Variants in LRP1B observed in about 807,000 individuals in gnomAD.
The protein encoded by LRP1B is LDL receptor related protein 1B, also known as low-density lipoprotein receptor-related protein 1B.
In LRP1B, 217 loss-of-function variants were observed where a neutral mutation model predicts 556.6. That is an observed-to-expected ratio of 0.39 (90% CI 0.35 to 0.44). The LOEUF (loss-of-function observed/expected upper bound fraction) is 0.44, where lower values mean the gene tolerates loss of function less well. Ranked by LOEUF, LRP1B falls within the 20% of genes least tolerant of loss-of-function variation. The pLI is 1.00. For synonymous variants in LRP1B, 2,047 were observed against 1,865.8 expected (o/e 1.10, Z -2.50); for missense variants, 5,053 against 5,620.8 (o/e 0.90, Z 3.23).
At position 141,794,069 on chromosome 2, in the gene LRP1B, T is replaced by A. The variant is rs537242730; in HGVS notation, c.205+16210A>T. Among the ~76,000 whole-genome samples, 15 of 152,092 alleles carry A rather than the reference T, an allele frequency of 9.9e-5. No homozygotes were observed. The South Asian group carries it at 3.1e-3, about 32-fold the overall frequency. ...TATTAATACTATTGGAATTAGGTCA[T>A]CTAATCATCAGCCTTTTTTAAATTC... On this transcript the variant is annotated intron_variant, in intron 2 of 90. Transcript: ENST00000389484.
At chr2:141,551,878 TCA>T (rs1308159371) in intron 2 of LRP1B, among the ~76,000 whole-genome samples, 1 of 152,060 alleles carries the variant, frequency 6.6e-6, no homozygotes, top group Non-Finnish European at 1.5e-5. Context: ...GGAATATTCC[TCA>T]GTTTCTTTTT....
intron 31 of LRP1B, among the ~76,000 whole-genome samples, chr2:140,829,213 T>C (rs917240055): frequency 1.3e-5 from 2 of 152,138 alleles, no homozygotes; most frequent in African/African-American, 2.4e-5. Context: ...CTCTCAGTAA[T>C]TGACAGATCA....
chr2:141,322,669 G>A (rs921271312), intron 3 of LRP1B, among the ~76,000 whole-genome samples: 1 of 152,002 alleles, frequency 6.6e-6, no homozygotes, highest in African/African-American at 2.4e-5. Context: ...ATAGGAAAAA[G>A]AGTAAAAACT....
chr2:141,716,083 G>A (rs554974576), intron 2 of LRP1B, among the ~76,000 whole-genome samples: 1 of 152,128 alleles, frequency 6.6e-6, no homozygotes, highest in African/African-American at 2.4e-5. Context: ...ACCAATGCAG[G>A]TAAAGTGTAC....
chr2:141,375,892 C>A (rs569090187), intron 3 of LRP1B, among the ~76,000 whole-genome samples: 1 of 152,236 alleles, frequency 6.6e-6, no homozygotes, highest in East Asian at 1.9e-4. Flanking sequence ...TCAGTGACTG[C>A]AGCCCCTTCA....
intron 1 of LRP1B, among the ~76,000 whole-genome samples, chr2:141,928,164 C>T (rs1372555185): frequency 6.6e-6 from 1 of 152,134 alleles, no homozygotes; most frequent in African/African-American, 2.4e-5. Flanking sequence ...CAACTTGCCA[C>T]AGGGCAAGTC....
chr2:140,359,258 T>C (rs1328206289), intron 72 of LRP1B, among the ~76,000 whole-genome samples: 1 of 151,680 alleles, frequency 6.6e-6, no homozygotes, highest in Admixed American at 6.6e-5. Flanking sequence ...CCTACAATTA[T>C]GCAATATGGC....
chr2:141,055,713 G>C (rs1699161505), intron 9 of LRP1B, among the ~76,000 whole-genome samples: 2 of 151,780 alleles, frequency 1.3e-5, no homozygotes, highest in Admixed American at 1.3e-4. Context: ...ATGTGATTCA[G>C]TGATTATATA....
At chr2:140,495,954 CT>C (rs1169539783) in intron 55 of LRP1B, among the ~76,000 whole-genome samples, 2 of 152,090 alleles carry the variant, frequency 1.3e-5, no homozygotes, top group Non-Finnish European at 2.9e-5. Flanking sequence ...TTCATTTGAT[CT>C]TTTGAAGTTG....
intron 3 of LRP1B, among the ~76,000 whole-genome samples, chr2:141,278,530 G>A (rs1199624526): frequency 2.0e-5 from 3 of 152,060 alleles, no homozygotes; most frequent in African/African-American, 4.8e-5. Context: ...ACTAAGTAAA[G>A]CAGAGTGAAT....
Position 140,247,151 on chromosome 2 carries a change from T to G in LRP1B, c.13259A>C (p.Asn4420Thr), listed in dbSNP as rs2104899249. 1.2e-6 allele frequency: 2 copies of G among 1,608,344 alleles called. No individual in the cohort carries two copies. Among genetic ancestry groups the G allele is most frequent in the Non-Finnish European group, 8.5e-7 (1 of 1,175,870 alleles). Residue 4420 changes from asparagine (N) to threonine (T), a missense_variant, in exon 87 of 91, where the codon AAC becomes ACC. Asn to Thr is a moderately conservative substitution (Grantham distance 65). This residue lies in a region of LRP1B where 551 missense variants were observed against 592.0 expected (regional missense o/e 0.93). Coordinates refer to ENST00000389484, the MANE Select transcript of LRP1B (RefSeq NM_018557.3). ...TNVPVCLCST[N>T]WSGTQCERPA... ...CCTTTCACACTGTGTGCCTGACCAG[T>G]TGGTGGAGCATCTAAAAATATCCAA...
intron 2 of LRP1B, among the ~76,000 whole-genome samples, chr2:141,662,817 A>G (rs1322522671): frequency 6.6e-6 from 1 of 152,162 alleles, no homozygotes; most frequent in Non-Finnish European, 1.5e-5. Context: ...TCACCTCTCG[A>G]TCAAGTGGAC....
At chr2:140,854,323 TTAAG>T (rs1280124529) in intron 27 of LRP1B, among the ~76,000 whole-genome samples, 7 of 152,260 alleles carry the variant, frequency 4.6e-5, no homozygotes, top group East Asian at 1.9e-4. Context: ...GGCAGAGATA[TTAAG>T]TTTCTATGTA....
chr2:140,308,824 T>C (rs1305216475), intron 83 of LRP1B, among the ~76,000 whole-genome samples: 4 of 151,678 alleles, frequency 2.6e-5, no homozygotes, highest in Non-Finnish European at 1.5e-5. Flanking sequence ...AAATATGACA[T>C]AATACTTACT....
At chr2:141,201,699 G>T (rs960875776) in intron 6 of LRP1B, among the ~76,000 whole-genome samples, 2 of 151,850 alleles carry the variant, frequency 1.3e-5, no homozygotes. Flanking sequence ...TGTAGACTCC[G>T]AATCTAAATC....
chr2:140,306,907 G>A lies in LRP1B; in HGVS notation c.12805+8028C>T, dbSNP rs910335572. On this transcript the variant is annotated intron_variant, in intron 83 of 90. Coordinates refer to ENST00000389484, the MANE Select transcript of LRP1B (RefSeq NM_018557.3). ...ACATTTTTATTTCTGCTTTCATTTC[G>A]TTATGTACCCAGTAGTCATTCAGGA... 6.6e-5 allele frequency among the ~76,000 whole-genome samples: 10 copies of A among 151,606 alleles called. No individual in the cohort carries two copies. The East Asian group carries it at 1.7e-3, about 26-fold the overall frequency.
chr2:141,058,330 T>G (rs1699241237), intron 9 of LRP1B, among the ~76,000 whole-genome samples: 1 of 151,748 alleles, frequency 6.6e-6, no homozygotes, highest in South Asian at 2.1e-4. Context: ...TATATTCTCT[T>G]TTTTTATGTA....
At chr2:141,165,855 T>A (rs1431155462) in intron 7 of LRP1B, among the ~76,000 whole-genome samples, 4 of 152,082 alleles carry the variant, frequency 2.6e-5, no homozygotes, top group African/African-American at 9.7e-5. Flanking sequence ...TTCTTAAATG[T>A]GAAATGCGCT....
rs552325971 is a variant in LRP1B at position 140,622,920 on chromosome 2, G to C, written c.6800-21281C>G. Among the ~76,000 whole-genome samples, 3 of 150,782 alleles carry C rather than the reference G, an allele frequency of 2.0e-5. No individual in the cohort carries two copies. In the East Asian group the frequency reaches 5.9e-4, roughly 30 times the overall value. The stretch of plus-strand genomic sequence containing the variant: ...TATCTTCAATTACTAACTATATCTT[G>C]AAAGTATTTCAAAATGCTTCTATTC... On this transcript the variant is annotated intron_variant, in intron 41 of 90. Coordinates refer to ENST00000389484, the MANE Select transcript of LRP1B (RefSeq NM_018557.3).
Sources: gnomAD v4.1 joint callset for allele counts (sites outside exome capture counted in the v4.1 genomes callset) on GRCh38, gnomAD v4.1.1 for gene constraint, gnomAD v4.1.1 regional missense constraint, MANE v1.5 for transcripts, NCBI Gene and HGNC (gene_info 2026-07-23, HGNC 2026-07-21) for gene names.